Variants in CSTPP1 observed in about 807,000 individuals in gnomAD.
The protein encoded by CSTPP1 is centriolar satellite-associated tubulin polyglutamylase complex regulator 1, also known as UPF0705 protein C11orf49.
At chr11:47,113,876 C>CT in the CSTPP1 span, among the ~76,000 whole-genome samples, 2 of 151,040 alleles carry the variant, frequency 1.3e-5, no homozygotes, top group African/African-American at 4.9e-5. Flanking sequence ...TCTATTTTGG[C>CT]TTTTGTTGCC....
At chr11:47,044,591 A>C in the CSTPP1 span, among the ~76,000 whole-genome samples, 1 of 152,200 alleles carries the variant, frequency 6.6e-6, no homozygotes, top group Non-Finnish European at 1.5e-5. Context: ...AATAGGAAAC[A>C]GAAGAAAATG....
At chr11:47,065,977 T>TTGTGTGTGTGTGTGTGTGTG in the CSTPP1 span, among the ~76,000 whole-genome samples, 954 of 146,080 alleles carry the variant, frequency 6.5e-3, 17 homozygotes, top group African/African-American at 0.021. Flanking sequence ...GGTCTAACAG[T>TTGTGTGTGTGTGTGTGTGTG]TGTGTGTGTG....
At chr11:46,938,389 T>C in the CSTPP1 span, among the ~76,000 whole-genome samples, 7 of 149,896 alleles carry the variant, frequency 4.7e-5, no homozygotes, top group African/African-American at 1.7e-4. Flanking sequence ...TATTATTAAC[T>C]AAAGTCCATA....
chr11:46,958,309 T>C, the CSTPP1 span, among the ~76,000 whole-genome samples: 1 of 152,102 alleles, frequency 6.6e-6, no homozygotes, highest in Non-Finnish European at 1.5e-5. Flanking sequence ...CCCATAATTT[T>C]CTTAACATTT....
chr11:47,087,654 G>T, the CSTPP1 span, among the ~76,000 whole-genome samples: 1 of 152,074 alleles, frequency 6.6e-6, no homozygotes, highest in Non-Finnish European at 1.5e-5. Flanking sequence ...AGCCGAGATC[G>T]CACCACTGCA....
At chr11:47,021,256 C>T in the CSTPP1 span, among the ~76,000 whole-genome samples, 14 of 152,274 alleles carry the variant, frequency 9.2e-5, no homozygotes, top group East Asian at 2.1e-3. Flanking sequence ...GATTGATGCT[C>T]ATCTCTGCAG....
At chr11:47,145,454 A>C in the CSTPP1 span, among the ~76,000 whole-genome samples, 1 of 151,946 alleles carries the variant, frequency 6.6e-6, no homozygotes, top group African/African-American at 2.4e-5. Flanking sequence ...TCTACTAAAT[A>C]CAAAAATTAG....
At chr11:47,111,250 G>C in the CSTPP1 span, among the ~76,000 whole-genome samples, 1 of 152,106 alleles carries the variant, frequency 6.6e-6, no homozygotes, top group Admixed American at 6.5e-5. Flanking sequence ...CCTTTGTCTT[G>C]TTGGGGCAAG....
chr11:47,159,522 AAAC>A, the CSTPP1 span: 8 of 417,092 alleles, frequency 1.9e-5, no homozygotes, highest in Admixed American at 1.2e-4. Context: ...AAGAAAAAAA[AAAC>A]AAAAACAGGC....
At chr11:47,026,781 G>T in the CSTPP1 span, among the ~76,000 whole-genome samples, 49 of 152,076 alleles carry the variant, frequency 3.2e-4, no homozygotes, top group Admixed American at 2.0e-3. Flanking sequence ...GGGTGGCTGA[G>T]GCATGAGAAT....
chr11:46,986,828 A>G, the CSTPP1 span, among the ~76,000 whole-genome samples: 92,226 of 152,044 alleles, frequency 0.61, 31,020 homozygotes, highest in Non-Finnish European at 0.76. Context: ...ACTCCCTGGG[A>G]TAAGTTTCTG....
the CSTPP1 span, among the ~76,000 whole-genome samples, chr11:47,158,165 T>A: frequency 6.6e-6 from 1 of 152,036 alleles, no homozygotes; most frequent in Non-Finnish European, 1.5e-5. Context: ...CACCTCCCCA[T>A]AGCAGAAGCG....
the CSTPP1 span, among the ~76,000 whole-genome samples, chr11:47,020,866 T>C: frequency 6.6e-6 from 1 of 152,170 alleles, no homozygotes; most frequent in East Asian, 1.9e-4. Context: ...CCTCTCTGCA[T>C]AGGAGGAGAT....
At chr11:47,130,618 C>T in the CSTPP1 span, 1 of 145,566 alleles carries the variant, frequency 6.9e-6, no homozygotes, top group Non-Finnish European at 1.5e-5. Flanking sequence ...GGAGTGAAGT[C>T]GTCAGATGTC....
the CSTPP1 span, among the ~76,000 whole-genome samples, chr11:47,062,423 T>G: frequency 6.6e-6 from 1 of 152,212 alleles, no homozygotes; most frequent in Non-Finnish European, 1.5e-5. Flanking sequence ...TGCTTTACAC[T>G]AACTTTTCTA....
At chr11:46,992,030 T>G in the CSTPP1 span, among the ~76,000 whole-genome samples, 8 of 152,170 alleles carry the variant, frequency 5.3e-5, no homozygotes, top group African/African-American at 1.9e-4. Flanking sequence ...TGTGAGCCAT[T>G]TGTGCCCGGC....
chr11:47,101,156 ACC>A, the CSTPP1 span, among the ~76,000 whole-genome samples: 1 of 110,586 alleles, frequency 9.0e-6, no homozygotes, highest in Admixed American at 1.0e-4. Context: ...CTGCCACCAC[ACC>A]GGCTAATTTT....
the CSTPP1 span, among the ~76,000 whole-genome samples, chr11:47,158,272 A>G: frequency 7.2e-5 from 11 of 152,298 alleles, no homozygotes; most frequent in Non-Finnish European, 1.0e-4. Context: ...TAGAGATTAT[A>G]TATCAAAGAG....
the CSTPP1 span, among the ~76,000 whole-genome samples, chr11:47,006,715 A>G: frequency 9.4e-5 from 14 of 149,554 alleles, 1 homozygote; most frequent in African/African-American, 3.4e-4. Context: ...CAGCCTCCCA[A>G]GTGGCTGGGA....
Sources: allele counts gnomAD v4.1 joint callset (sites outside exome capture counted in the v4.1 genomes callset), GRCh38; gene constraint gnomAD v4.1.1; transcripts MANE v1.5; gene names NCBI Gene and HGNC (gene_info 2026-07-23, HGNC 2026-07-21).